The following RTTN variants were observed in gnomAD, a reference collection of about 807,000 sequenced individuals.
RTTN encodes the protein rotatin.
RTTN carries 182 observed loss-of-function variants against 269.2 expected under a neutral mutation model. The ratio of observed to expected loss-of-function variants is 0.68; its 90% CI spans 0.60 to 0.76. The LOEUF is 0.76. Among genes scored for constraint, RTTN ranks in the 30% least tolerant of loss-of-function variants. RTTN has a pLI of 0.00. For synonymous variants in RTTN, 1,006 were observed against 963.5 expected (o/e 1.04, Z -0.82); for missense variants, 2,545 against 2,608.6 (o/e 0.98, Z 0.53).
Position 70,024,743 on chromosome 18 carries a change from A to T in RTTN, c.5929T>A (p.Tyr1977Asn), listed in dbSNP as rs374887831. ...MQISLQLLCV[Y>N]TANFPNGCSS... ...TTACCATTTGGAAAATTTGCAGTAT[A>T]GACACAAAGGAGCTGCAGAGAAATT... Residue 1977 changes from tyrosine (Y) to asparagine (N), a missense_variant, in exon 44 of 49, where the codon TAT becomes AAT. Transcript: ENST00000640769. 1 of 1,613,668 alleles carries T rather than the reference A, an allele frequency of 6.2e-7. No homozygotes were observed. Among genetic ancestry groups the T allele is most frequent in the African/African-American group, 1.3e-5 (1 of 74,928 alleles).
intron 47 of RTTN, chr18:70,005,818 C>T (rs2056167734): frequency 6.5e-6 from 1 of 153,998 alleles, no homozygotes; most frequent in Non-Finnish European, 1.4e-5. Context: ...GGCTGTCTAT[C>T]CTAACACTGT....
intron 44 of RTTN, chr18:70,021,117 CTG>C (rs2056692766): frequency 8.2e-6 from 2 of 244,300 alleles, no homozygotes. Flanking sequence ...AAATAAAGGC[CTG>C]TGTAAAGGAA....
At chr18:70,140,840 T>G (rs566617796) in intron 19 of RTTN, among the ~76,000 whole-genome samples, 6 of 152,308 alleles carry the variant, frequency 3.9e-5, no homozygotes, top group Admixed American at 2.0e-4. Flanking sequence ...AACCCAAAAC[T>G]GTAATTGATT....
Position 70,088,991 on chromosome 18 carries a change from A to C in RTTN, c.4144-844T>G, listed in dbSNP as rs542812006. On this transcript the variant is annotated intron_variant, in intron 30 of 48. Transcript: ENST00000640769. Reference sequence around the variant, plus strand: ...TGACACTTAAGTGTTGCATGTCTATAATTTCCAGATCCTTTTTATTTTTTT... The same window carrying C: ...TGACACTTAAGTGTTGCATGTCTATCATTTCCAGATCCTTTTTATTTTTTT... Among the ~76,000 whole-genome samples, 495 of 152,320 alleles carry C rather than the reference A, an allele frequency of 3.2e-3. 3 individuals are homozygous for C. Among genetic ancestry groups the C allele is most frequent in the Non-Finnish European group, 5.9e-3 (403 of 68,028 alleles).
chr18:70,071,323 A>G (rs1327748325), intron 34 of RTTN, among the ~76,000 whole-genome samples: 2 of 152,228 alleles, frequency 1.3e-5, no homozygotes, highest in Admixed American at 6.5e-5. Flanking sequence ...GAAAGATCAC[A>G]TATTTCACAA....
intron 23 of RTTN, chr18:70,129,605 C>T (rs528405151): frequency 2.7e-5 from 4 of 146,410 alleles, no homozygotes; most frequent in Admixed American, 1.4e-4. Flanking sequence ...CTCTATCTCT[C>T]GCCACATATG....
rs964455610 is a variant in RTTN, at chr18:70,109,722, G to C, written c.3684-5C>G. ...TAAAGAAGTTCCGAGCATTTCCTAT[G>C]TATGCAAAAGAGGGAAAATCAACCA... is the stretch of plus-strand genomic sequence containing the variant. On this transcript the variant is annotated splice_polypyrimidine_tract_variant and splice_region_variant and intron_variant, in intron 27 of 48. Transcript: ENST00000640769. 1 of 1,612,150 alleles carries C rather than the reference G, an allele frequency of 6.2e-7. No homozygotes were observed. The highest frequency in any genetic ancestry group is 8.5e-7 in the Non-Finnish European group (1 of 1,178,572).
chr18:70,098,277 T>G (rs1173918738), intron 28 of RTTN, among the ~76,000 whole-genome samples: 1 of 152,002 alleles, frequency 6.6e-6, no homozygotes, highest in South Asian at 2.1e-4. Flanking sequence ...AATTAACAAC[T>G]TAACATCACA....
chr18:70,113,632 T>C (rs556340044), intron 27 of RTTN, among the ~76,000 whole-genome samples: 4 of 152,144 alleles, frequency 2.6e-5, no homozygotes, highest in African/African-American at 9.6e-5. Context: ...AGCCAAAAGG[T>C]AGAAACAGAT....
intron 26 of RTTN, among the ~76,000 whole-genome samples, chr18:70,117,388 A>G (rs181200378): frequency 3.3e-5 from 5 of 152,090 alleles, no homozygotes; most frequent in African/African-American, 1.2e-4. Context: ...TGGTAGTTAT[A>G]TAACATATAT....
intron 26 of RTTN, among the ~76,000 whole-genome samples, chr18:70,116,849 G>C (rs1409270965): frequency 6.6e-6 from 1 of 151,996 alleles, no homozygotes; most frequent in Non-Finnish European, 1.5e-5. Flanking sequence ...TATATATGCT[G>C]TGTAGTTCTG....
At chr18:70,185,607 C>A (rs750060057) in intron 10 of RTTN, among the ~76,000 whole-genome samples, 2 of 152,132 alleles carry the variant, frequency 1.3e-5, no homozygotes, top group Non-Finnish European at 2.9e-5. Flanking sequence ...CAACATTATA[C>A]TAAGGCTTCT....
intron 21 of RTTN, among the ~76,000 whole-genome samples, chr18:70,137,477 T>C (rs2060152264): frequency 6.6e-6 from 1 of 152,110 alleles, no homozygotes; most frequent in Non-Finnish European, 1.5e-5. Context: ...CTAAAACACA[T>C]ACTCCCCTGT....
chr18:70,148,351 T>C (rs1287561105), intron 17 of RTTN, among the ~76,000 whole-genome samples: 1 of 152,160 alleles, frequency 6.6e-6, no homozygotes, highest in Non-Finnish European at 1.5e-5. Flanking sequence ...AAAAACAGTA[T>C]CATTCTCCTT....
intron 40 of RTTN, among the ~76,000 whole-genome samples, chr18:70,042,120 G>GA (rs148218150): frequency 0.042 from 5,996 of 142,564 alleles, 146 homozygotes; most frequent in South Asian, 0.072. Flanking sequence ...ATTACATAGC[G>GA]AAAAAAAAAA....
At chr18:70,123,167 C>A (rs995402678) in intron 25 of RTTN, among the ~76,000 whole-genome samples, 2 of 152,112 alleles carry the variant, frequency 1.3e-5, no homozygotes, top group African/African-American at 4.8e-5. Flanking sequence ...AAATTTCTGT[C>A]ACATAACATG....
chr18:70,025,601 G>A (rs1303909514), intron 43 of RTTN, among the ~76,000 whole-genome samples: 3 of 152,186 alleles, frequency 2.0e-5, no homozygotes, highest in Non-Finnish European at 4.4e-5. Context: ...CGTAAGCACT[G>A]AAGTCATTCC....
At chr18:70,174,761 G>A (rs2061243945) in intron 11 of RTTN, among the ~76,000 whole-genome samples, 1 of 150,860 alleles carries the variant, frequency 6.6e-6, no homozygotes, top group Non-Finnish European at 1.5e-5. Context: ...TGGCTCACGC[G>A]AGTACTCCCA....
intron 14 of RTTN, among the ~76,000 whole-genome samples, chr18:70,155,279 T>TAGAGAATACA (rs2060644184): frequency 1.3e-5 from 2 of 152,052 alleles, no homozygotes; most frequent in South Asian, 4.1e-4. Context: ...AACCACCATC[T>TAGAGAATACA]AGAGAATACA....
Sources: allele counts gnomAD v4.1 joint callset (sites outside exome capture counted in the v4.1 genomes callset), GRCh38; gene constraint gnomAD v4.1.1; transcripts MANE v1.5; gene names NCBI Gene and HGNC (gene_info 2026-07-23, HGNC 2026-07-21).